The following RASAL2 variants were observed in gnomAD, a reference collection of about 807,000 sequenced individuals.
RASAL2 encodes the protein ras GTPase-activating protein nGAP.
RASAL2 carries 58 observed loss-of-function variants against 128.9 expected under a neutral mutation model. That is an observed-to-expected ratio of 0.45 (90% CI 0.36 to 0.56). The LOEUF is 0.56. Among genes scored for constraint, RASAL2 ranks in the 20% least tolerant of loss-of-function variants. The probability of loss-of-function intolerance (pLI) is 0.00; values close to 1 mark genes in which losing one functional copy is unlikely to be tolerated. For missense variants in RASAL2, 1,360 were observed against 1,601.6 expected (o/e 0.85, Z 2.57); for synonymous variants, 561 against 580.8 (o/e 0.97, Z 0.49).
At chr1:178,152,146 G>A (rs984901565) in intron 1 of RASAL2, among the ~76,000 whole-genome samples, 3 of 152,118 alleles carry the variant, frequency 2.0e-5, no homozygotes, top group African/African-American at 7.2e-5. Flanking sequence ...GAAATTTTCA[G>A]TTTCACTCAC....
chr1:178,364,634 T>G (rs1671306580), intron 3 of RASAL2, among the ~76,000 whole-genome samples: 1 of 152,214 alleles, frequency 6.6e-6, no homozygotes, highest in Non-Finnish European at 1.5e-5. Flanking sequence ...GATTTTCAGT[T>G]TACTTACAGA....
intron 1 of RASAL2, among the ~76,000 whole-genome samples, chr1:178,249,973 C>G (rs1664962830): frequency 6.6e-6 from 1 of 152,082 alleles, no homozygotes; most frequent in African/African-American, 2.4e-5. Flanking sequence ...TGCCGGGGCT[C>G]TTCTGTATGA....
At chr1:178,251,218 C>A (rs964717131) in intron 1 of RASAL2, among the ~76,000 whole-genome samples, 1 of 152,166 alleles carries the variant, frequency 6.6e-6, no homozygotes, top group East Asian at 1.9e-4. Flanking sequence ...CATGGGAGAT[C>A]GTAAAGAAAA....
At chr1:178,411,891 G>A (rs764860573) in intron 4 of RASAL2, 6 of 697,168 alleles carry the variant, frequency 8.6e-6, no homozygotes, top group Admixed American at 6.3e-5. Flanking sequence ...CTGGACCTGG[G>A]GCCAGTCGGC....
chr1:178,179,256 A>AAGAGATGAG (rs1661994612), intron 1 of RASAL2, among the ~76,000 whole-genome samples: 1 of 152,206 alleles, frequency 6.6e-6, no homozygotes, highest in East Asian at 1.9e-4. Flanking sequence ...ATTTGGGAAG[A>AAGAGATGAG]AGAGATGAGC....
At chr1:178,255,207 T>C (rs1364978861) in intron 1 of RASAL2, among the ~76,000 whole-genome samples, 1 of 151,984 alleles carries the variant, frequency 6.6e-6, no homozygotes, top group East Asian at 1.9e-4. Context: ...TAAAGGAAGT[T>C]CTTCAGGCTG....
chr1:178,447,673 T>TAAAAAAAAAA (rs60358768), intron 9 of RASAL2, among the ~76,000 whole-genome samples: 3 of 56,036 alleles, frequency 5.4e-5, no homozygotes, highest in African/African-American at 1.4e-4. Context: ...CTCCTTCTCT[T>TAAAAAAAAAA]AAAAAAAAAA....
At chr1:178,338,933 G>A (rs1669729229) in intron 3 of RASAL2, among the ~76,000 whole-genome samples, 1 of 152,194 alleles carries the variant, frequency 6.6e-6, no homozygotes, top group Admixed American at 6.5e-5. Flanking sequence ...GGTGGCAGCA[G>A]GGACTTTGTC....
chr1:178,378,696 A>G (rs1672123249), intron 3 of RASAL2, among the ~76,000 whole-genome samples: 1 of 152,170 alleles, frequency 6.6e-6, no homozygotes, highest in Non-Finnish European at 1.5e-5. Context: ...GTTAGTCAAA[A>G]AGGAAAACAT....
At chr1:178,122,998 A>G (rs1659772625) in intron 1 of RASAL2, 1 of 152,220 alleles carries the variant, frequency 6.6e-6, no homozygotes, top group Non-Finnish European at 1.5e-5. Flanking sequence ...ATAACGCTAT[A>G]TAATGTGTGT....
chr1:178,456,753 T>C lies in RASAL2; in HGVS notation c.2244T>C (p.Arg748=). 1 of 1,614,150 alleles carries C rather than the reference T, an allele frequency of 6.2e-7. No homozygotes were observed. Among genetic ancestry groups the C allele is most frequent in the Non-Finnish European group, 8.5e-7 (1 of 1,180,026 alleles). ...ATVAKLGPLP[R]VLADITKSLT... ...TGGCAAAATTGGGGCCTCTCCCTCG[T>C]GTTCTTGCTGATATTACCAAGTCAT... is the stretch of plus-strand genomic sequence containing the variant. The change falls in exon 13 of 18, where the codon CGT becomes CGC. Residue 748 remains arginine, a synonymous_variant. Transcript: ENST00000367649.
chr1:178,225,390 G>A (rs539942364), intron 1 of RASAL2, among the ~76,000 whole-genome samples: 35 of 152,008 alleles, frequency 2.3e-4, no homozygotes, highest in African/African-American at 8.4e-4. Flanking sequence ...TGATTCTACC[G>A]TGTACATACT....
At chr1:178,295,359 C>T (rs1227168356) in intron 2 of RASAL2, among the ~76,000 whole-genome samples, 1 of 151,910 alleles carries the variant, frequency 6.6e-6, no homozygotes, top group African/African-American at 2.4e-5. Flanking sequence ...CTCTAAGTTC[C>T]CTCTCCTCAC....
At chr1:178,233,183 GCAGTC>G (rs1273471483) in intron 1 of RASAL2, among the ~76,000 whole-genome samples, 1 of 152,178 alleles carries the variant, frequency 6.6e-6, no homozygotes, top group Non-Finnish European at 1.5e-5. Flanking sequence ...AGCTGCTTAA[GCAGTC>G]AAATGTTTTG....
intron 2 of RASAL2, among the ~76,000 whole-genome samples, chr1:178,286,702 G>A (rs1296076333): frequency 6.6e-6 from 1 of 152,176 alleles, no homozygotes; most frequent in East Asian, 1.9e-4. Context: ...GTGGGCCACC[G>A]TGCCCGGCCT....
At chr1:178,256,737 G>A (rs1317102357) in intron 1 of RASAL2, among the ~76,000 whole-genome samples, 1 of 152,266 alleles carries the variant, frequency 6.6e-6, no homozygotes, top group African/African-American at 2.4e-5. Flanking sequence ...GCTGTGGCAT[G>A]ATCTCGGCTC....
At chr1:178,253,000 G>A (rs1665126404) in intron 1 of RASAL2, among the ~76,000 whole-genome samples, 1 of 152,160 alleles carries the variant, frequency 6.6e-6, no homozygotes, top group Non-Finnish European at 1.5e-5. Flanking sequence ...ACCACAAAGA[G>A]GTAGCTTAAA....
At chr1:178,208,553 T>G (rs1663139473) in intron 1 of RASAL2, among the ~76,000 whole-genome samples, 2 of 152,168 alleles carry the variant, frequency 1.3e-5, no homozygotes, top group Non-Finnish European at 2.9e-5. Flanking sequence ...TTTAAGATGT[T>G]TATCAATAGA....
At chr1:178,464,831 G>GTTTTTTTTTTTTATTTT (rs1647492610) in intron 15 of RASAL2, among the ~76,000 whole-genome samples, 1 of 38,198 alleles carries the variant, frequency 2.6e-5, no homozygotes, top group Non-Finnish European at 4.4e-5. Flanking sequence ...GGTTTTAGTT[G>GTTTTTTTTTTTTATTTT]TTTTTTTTTT....
Sources: gnomAD v4.1 joint callset for allele counts (sites outside exome capture counted in the v4.1 genomes callset) on GRCh38, gnomAD v4.1.1 for gene constraint, MANE v1.5 for transcripts, NCBI Gene and HGNC (gene_info 2026-07-23, HGNC 2026-07-21) for gene names.